Variants in MAGI2 observed in about 807,000 individuals in gnomAD.
The protein encoded by MAGI2 is membrane associated guanylate kinase, WW and PDZ domain containing 2.
MAGI2 carries 35 observed loss-of-function variants against 133.3 expected under a neutral mutation model. That is an observed-to-expected ratio of 0.26 (90% confidence interval 0.20 to 0.35). The LOEUF (loss-of-function observed/expected upper bound fraction) is 0.35. Among genes scored for constraint, MAGI2 ranks in the 10% least tolerant of loss-of-function variants. The pLI is 1.00. For missense variants in MAGI2, 1,636 were observed against 1,863.4 expected (o/e 0.88, Z 2.25); for synonymous variants, 729 against 710.6 (o/e 1.03, Z -0.41).
intron 2 of MAGI2, among the ~76,000 whole-genome samples, chr7:78,943,983 C>G (rs536263517): frequency 3.4e-4 from 52 of 152,174 alleles, no homozygotes; most frequent in African/African-American, 1.2e-3. Context: ...CAAAAGTTCC[C>G]AAGAGAAAGT....
At chr7:79,260,572 C>A (rs1023171530) in intron 1 of MAGI2, among the ~76,000 whole-genome samples, 2 of 152,020 alleles carry the variant, frequency 1.3e-5, no homozygotes, top group African/African-American at 2.4e-5. Flanking sequence ...TCTGAAAATC[C>A]AAATTCCAAA....
intron 1 of MAGI2, among the ~76,000 whole-genome samples, chr7:79,425,865 T>A (rs913934982): frequency 6.6e-6 from 1 of 152,036 alleles, no homozygotes. Context: ...CTCTGCACTA[T>A]GAAGCATTGT....
intron 16 of MAGI2, among the ~76,000 whole-genome samples, chr7:78,138,672 C>T (rs983941303): frequency 1.8e-4 from 26 of 140,890 alleles, no homozygotes; most frequent in Non-Finnish European, 2.9e-4. Flanking sequence ...CACACACACA[C>T]ACACAATTTG....
At chr7:79,348,085 A>G (rs17152344) in intron 1 of MAGI2, among the ~76,000 whole-genome samples, 46,930 of 151,700 alleles carry the variant, frequency 0.31, 7,560 homozygotes, top group Admixed American at 0.38. Flanking sequence ...ATAAAAATAA[A>G]TACACATATA....
intron 2 of MAGI2, among the ~76,000 whole-genome samples, chr7:78,815,120 A>G (rs1789449028): frequency 6.6e-6 from 1 of 152,102 alleles, no homozygotes; most frequent in Non-Finnish European, 1.5e-5. Context: ...CATTTCCAAA[A>G]TATCTATGGC....
In MAGI2 at chr7:78,638,650, G is replaced by C. The variant is rs1375204490; in HGVS notation, c.419-11411C>G. On this transcript the variant is annotated intron_variant, in intron 2 of 21. Transcript: ENST00000354212. Reference sequence around the variant, plus strand: ...AACATACCTAACTAACTCCAGGACAGATCAACACTGCATTCTCACCAATAA... The same window carrying C: ...AACATACCTAACTAACTCCAGGACACATCAACACTGCATTCTCACCAATAA... Among the ~76,000 whole-genome samples, 8 of 152,272 alleles carry C rather than the reference G, an allele frequency of 5.3e-5. No individual in the cohort carries two copies. The East Asian group carries it at 1.5e-3, about 29-fold the overall frequency.
At chr7:78,916,102 T>C (rs1013178648) in intron 2 of MAGI2, among the ~76,000 whole-genome samples, 7 of 152,266 alleles carry the variant, frequency 4.6e-5, no homozygotes, top group African/African-American at 1.7e-4. Context: ...ATAGCAGATG[T>C]TGTTCAAAAC....
chr7:78,661,107 G>A (rs1409040463), intron 2 of MAGI2, among the ~76,000 whole-genome samples: 1 of 152,094 alleles, frequency 6.6e-6, no homozygotes, highest in Admixed American at 6.6e-5. Flanking sequence ...CATTTGTGAA[G>A]CAATATTTCT....
At chr7:79,059,538 G>A (rs944119684) in intron 1 of MAGI2, among the ~76,000 whole-genome samples, 2 of 152,042 alleles carry the variant, frequency 1.3e-5, no homozygotes, top group South Asian at 2.1e-4. Context: ...GAGATATTCC[G>A]TGCTTAAAAA....
intron 2 of MAGI2, among the ~76,000 whole-genome samples, chr7:78,813,128 T>C (rs560161135): frequency 5.9e-5 from 9 of 152,214 alleles, no homozygotes; most frequent in Non-Finnish European, 1.2e-4. Context: ...CTCTCAAATA[T>C]TTTAGAAAAA....
chr7:78,148,874 T>C (rs1383931619), intron 16 of MAGI2, among the ~76,000 whole-genome samples: 2 of 152,158 alleles, frequency 1.3e-5, no homozygotes, highest in African/African-American at 4.8e-5. Flanking sequence ...TTGGAATTTA[T>C]ATTATAGCCA....
chr7:78,472,537 C>T (rs554249576), intron 6 of MAGI2, among the ~76,000 whole-genome samples: 6 of 152,150 alleles, frequency 3.9e-5, no homozygotes, highest in Admixed American at 2.6e-4. Context: ...TTGAAGAAAG[C>T]TAAGCATTTA....
chr7:78,791,360 A>G (rs1332093617), intron 2 of MAGI2, among the ~76,000 whole-genome samples: 1 of 152,184 alleles, frequency 6.6e-6, no homozygotes, highest in East Asian at 1.9e-4. Context: ...ATAGTTGAGA[A>G]ACAGGCATTA....
chr7:78,625,203 A>G (rs1488636623), intron 3 of MAGI2, among the ~76,000 whole-genome samples: 1 of 152,170 alleles, frequency 6.6e-6, no homozygotes, highest in Non-Finnish European at 1.5e-5. Flanking sequence ...TAAAAATACT[A>G]TAAAATTTGA....
intron 3 of MAGI2, among the ~76,000 whole-genome samples, chr7:78,568,979 C>T (rs1363365893): frequency 6.6e-6 from 1 of 151,974 alleles, no homozygotes; most frequent in Non-Finnish European, 1.5e-5. Context: ...TTGCTGTTTG[C>T]CCTAAATTCA....
intron 3 of MAGI2, among the ~76,000 whole-genome samples, chr7:78,578,033 CAA>C (rs557622518): frequency 0.01 from 1,230 of 121,792 alleles, 15 homozygotes; most frequent in African/African-American, 0.033. Context: ...TGAAAAAGAC[CAA>C]AAAAAAAAAA....
chr7:78,249,252 A>G (rs1304424704), intron 10 of MAGI2, among the ~76,000 whole-genome samples: 1 of 152,164 alleles, frequency 6.6e-6, no homozygotes, highest in African/African-American at 2.4e-5. Flanking sequence ...GAACCCTTGC[A>G]CACTGTGGAT....
intron 18 of MAGI2, 120 bp downstream of exon 18, chr7:78,132,769 C>T: frequency 1.4e-6 from 2 of 1,420,328 alleles, no homozygotes; most frequent in Non-Finnish European, 2.0e-6. Flanking sequence ...CAAAGGTATG[C>T]ACGGCGATTT....
intron 2 of MAGI2, among the ~76,000 whole-genome samples, chr7:78,781,380 CAAAAAAAAAAA>C (rs748533885): frequency 9.9e-6 from 1 of 101,030 alleles, no homozygotes; most frequent in Non-Finnish European, 1.9e-5. Flanking sequence ...CTCCGTCTCA[CAAAAAAAAAAA>C]AAAAAAAAGA....
Sources: allele counts gnomAD v4.1 joint callset (sites outside exome capture counted in the v4.1 genomes callset), GRCh38; gene constraint gnomAD v4.1.1; transcripts MANE v1.5; gene names NCBI Gene and HGNC (gene_info 2026-07-23, HGNC 2026-07-21).